Variants in SBF2 observed in about 807,000 individuals in gnomAD.
SBF2 encodes myotubularin-related protein 13.
SBF2 carries 112 observed loss-of-function variants against 225.2 expected under a neutral mutation model. The observed-to-expected ratio is 0.50, with a 90% CI of 0.43 to 0.58. The LOEUF (loss-of-function observed/expected upper bound fraction) is 0.58. Ranked by LOEUF, SBF2 falls within the 20% of genes least tolerant of loss-of-function variation. The pLI, the probability that SBF2 is intolerant of heterozygous loss-of-function variation, is 0.00. For missense variants in SBF2, 1,996 were observed against 2,206.2 expected (o/e 0.90, Z 1.91); for synonymous variants, 763 against 773.3 (o/e 0.99, Z 0.22).
At chr11:10,188,222 T>C (rs1957017722) in intron 2 of SBF2, among the ~76,000 whole-genome samples, 1 of 151,908 alleles carries the variant, frequency 6.6e-6, no homozygotes, top group Non-Finnish European at 1.5e-5. Flanking sequence ...AAATTATAGA[T>C]ACAATGGAAA....
chr11:9,986,572 TA>T (rs201371961), intron 13 of SBF2, among the ~76,000 whole-genome samples: 8,752 of 152,118 alleles, frequency 0.058, 320 homozygotes, highest in Middle Eastern at 0.18. Flanking sequence ...AAAATCCAAA[TA>T]ATCTCACTAA....
intron 17 of SBF2, among the ~76,000 whole-genome samples, chr11:9,890,384 T>C (rs1176728116): frequency 6.6e-6 from 1 of 152,194 alleles, no homozygotes; most frequent in Non-Finnish European, 1.5e-5. Flanking sequence ...AACAAATCTT[T>C]TGAATGGCTA....
intron 2 of SBF2, among the ~76,000 whole-genome samples, chr11:10,067,095 C>G (rs973282320): frequency 6.6e-6 from 1 of 151,954 alleles, no homozygotes; most frequent in East Asian, 1.9e-4. Flanking sequence ...CTGGGCAACA[C>G]AGTGGGACCC....
chr11:9,841,880 C>T (rs1856183231), intron 25 of SBF2, among the ~76,000 whole-genome samples: 1 of 152,096 alleles, frequency 6.6e-6, no homozygotes, highest in Non-Finnish European at 1.5e-5. Context: ...ACCGGTTAGC[C>T]AGTGCTTTCT....
At chr11:9,901,439 T>A (rs1028297864) in intron 16 of SBF2, among the ~76,000 whole-genome samples, 2 of 152,088 alleles carry the variant, frequency 1.3e-5, no homozygotes, top group Non-Finnish European at 2.9e-5. Context: ...CAGCGAAACC[T>A]GAAAAACTGA....
chr11:10,163,410 G>T (rs962666728), intron 2 of SBF2, among the ~76,000 whole-genome samples: 2 of 152,112 alleles, frequency 1.3e-5, no homozygotes, highest in African/African-American at 4.8e-5. Context: ...TGCTCCTAAT[G>T]AAAGAAATCC....
At chr11:10,105,761 CCG>C (rs1285978383) in intron 2 of SBF2, among the ~76,000 whole-genome samples, 2 of 152,196 alleles carry the variant, frequency 1.3e-5, no homozygotes, top group African/African-American at 4.8e-5. Context: ...GAATGGGTAA[CCG>C]GAAGCAATAG....
chr11:9,989,635 A>C (rs371585511), intron 12 of SBF2, 40 bp from the exon 13 acceptor site: 2 of 1,178,382 alleles, frequency 1.7e-6, no homozygotes, highest in Non-Finnish European at 2.5e-6. Context: ...CAATTCCAAA[A>C]TATGCCAAAT....
At chr11:10,008,023 T>C (rs1948274007) in intron 6 of SBF2, among the ~76,000 whole-genome samples, 1 of 152,182 alleles carries the variant, frequency 6.6e-6, no homozygotes, top group Non-Finnish European at 1.5e-5. Context: ...AGTGATTCCA[T>C]TATGGAGGTG....
At position 9,785,169 on chromosome 11, in the gene SBF2, T is replaced by C. The variant is rs762248465; in HGVS notation, c.5187A>G (p.Ala1729=). 21 of 1,613,896 alleles carry C rather than the reference T, an allele frequency of 1.3e-5. No homozygotes were observed. Among genetic ancestry groups the C allele is most frequent in the Middle Eastern group, 3.5e-4 (2 of 5,782 alleles). ...ISPSNGVERR[A]ATLYSQYTSK... ...ATGTATACTGGCTATAGAGCGTGGC[T>C]GCTCTTCGCTCCACTCCATTGGATG... The change falls in exon 37 of 40, where the codon GCA becomes GCG. Residue 1729 remains alanine, a synonymous_variant. Coordinates refer to ENST00000256190, the MANE Select transcript of SBF2 (RefSeq NM_030962.4).
chr11:9,786,173 TAC>T lies in SBF2; in HGVS notation c.5038-857_5038-856del, dbSNP rs544886144. Among the ~76,000 whole-genome samples, 5 of 152,276 alleles carry T rather than the reference TAC, an allele frequency of 3.3e-5. No individual in the cohort carries two copies. The East Asian group carries it at 9.7e-4, about 30-fold the overall frequency. ...ACTGCGCCTGGCAGACACTGGTTTA[TAC>T]ACAGTGACAGTTGGAAGGACACGTA... is the stretch of plus-strand genomic sequence containing the variant. On this transcript the variant is annotated intron_variant, in intron 36 of 39. Coordinates refer to ENST00000256190, the MANE Select transcript of SBF2 (RefSeq NM_030962.4).
At chr11:10,155,053 C>T (rs1955401214) in intron 2 of SBF2, among the ~76,000 whole-genome samples, 1 of 152,142 alleles carries the variant, frequency 6.6e-6, no homozygotes, top group South Asian at 2.1e-4. Flanking sequence ...TCTCTATCTT[C>T]TGTTTTTGTG....
intron 33 of SBF2, chr11:9,790,924 G>C (rs567825570): frequency 7.5e-6 from 3 of 399,502 alleles, no homozygotes; most frequent in Non-Finnish European, 9.2e-6. Context: ...GCAGCCAGCA[G>C]TCTATCAATC....
At chr11:9,962,148 G>C (rs1590619188) in intron 15 of SBF2, 42 bp from the exon 16 acceptor site, 1 of 1,583,072 alleles carries the variant, frequency 6.3e-7, no homozygotes, top group Non-Finnish European at 8.7e-7. Context: ...GGTACCACTG[G>C]GGGAAACAAC....
chr11:10,036,372 T>C (rs1949440085), intron 3 of SBF2, among the ~76,000 whole-genome samples: 1 of 152,042 alleles, frequency 6.6e-6, no homozygotes, highest in East Asian at 1.9e-4. Flanking sequence ...GTAACAAAAC[T>C]GCATGTTCTG....
At position 10,011,829 on chromosome 11, in the gene SBF2, A is replaced by AT. The variant is rs537340869; in HGVS notation, c.620-9141dup. On this transcript the variant is annotated intron_variant, in intron 6 of 39. Transcript: ENST00000256190. ...ACAATCATGCTGTGTCTACATGGGGATTTTTTTACTGTTAACTTGGGCTTC... is the reference window on the plus strand; with the variant it reads ...ACAATCATGCTGTGTCTACATGGGGATTTTTTTTACTGTTAACTTGGGCTTC... Among the ~76,000 whole-genome samples, 259 of 152,104 alleles carry AT rather than the reference A, an allele frequency of 1.7e-3. 1 individual carries two copies. The highest frequency in any genetic ancestry group is 5.2e-3 in the Admixed American group (79 of 15,278).
intron 17 of SBF2, among the ~76,000 whole-genome samples, chr11:9,859,687 G>A (rs1304420597): frequency 6.6e-6 from 1 of 152,096 alleles, no homozygotes; most frequent in Non-Finnish European, 1.5e-5. Flanking sequence ...AACAAAAGTT[G>A]GTTCATTTCT....
chr11:10,111,860 C>T (rs1381223243), intron 2 of SBF2, among the ~76,000 whole-genome samples: 1 of 152,132 alleles, frequency 6.6e-6, no homozygotes, highest in African/African-American at 2.4e-5. Flanking sequence ...CTGGGTGACA[C>T]AGTGAGACTC....
chr11:10,290,604 A>C (rs998537185), intron 1 of SBF2, among the ~76,000 whole-genome samples: 1 of 152,118 alleles, frequency 6.6e-6, no homozygotes, highest in Non-Finnish European at 1.5e-5. Flanking sequence ...GATGGTAGTG[A>C]AGATGGGAGA....
Sources: gnomAD v4.1 joint callset for allele counts (sites outside exome capture counted in the v4.1 genomes callset) on GRCh38, gnomAD v4.1.1 for gene constraint, MANE v1.5 for transcripts, NCBI Gene and HGNC (gene_info 2026-07-23, HGNC 2026-07-21) for gene names.